CCDC88C: variants seen among roughly 807,000 people sequenced by gnomAD.
The protein encoded by CCDC88C is coiled-coil and HOOK domain protein 88C.
In CCDC88C, 131 loss-of-function variants were observed where a neutral mutation model predicts 198.8. That is an observed-to-expected ratio of 0.66 (90% CI 0.57 to 0.76). The LOEUF is 0.76. Ranked by LOEUF, CCDC88C falls within the 30% of genes least tolerant of loss-of-function variation. The probability of loss-of-function intolerance (pLI) is 0.00; values close to 1 mark genes in which losing one functional copy is unlikely to be tolerated. For missense variants in CCDC88C, 2,553 were observed against 2,631.6 expected (o/e 0.97, Z 0.65); for synonymous variants, 1,166 against 1,114.7 (o/e 1.05, Z -0.92).
At chr14:91,274,073 G>A (rs920774064) in intron 29 of CCDC88C, among the ~76,000 whole-genome samples, 9 of 152,078 alleles carry the variant, frequency 5.9e-5, no homozygotes, top group African/African-American at 2.2e-4. Flanking sequence ...GTCACCCCGG[G>A]ACATCATAAG....
At chr14:91,333,752 A>G (rs890460461) in intron 10 of CCDC88C, among the ~76,000 whole-genome samples, 2 of 152,284 alleles carry the variant, frequency 1.3e-5, no homozygotes, top group East Asian at 3.9e-4. Context: ...CTTACTCCCT[A>G]GGGTCTAGGG....
chr14:91,404,251 C>T (rs116063107), intron 3 of CCDC88C, among the ~76,000 whole-genome samples: 1 of 152,210 alleles, frequency 6.6e-6, no homozygotes, highest in African/African-American at 2.4e-5. Flanking sequence ...CTCAACACCC[C>T]CTGCTCCCTC....
At chr14:91,408,607 G>T (rs941919) in intron 3 of CCDC88C, 52 bp downstream of exon 3, 1 of 1,150,666 alleles carries the variant, frequency 8.7e-7, no homozygotes, top group Non-Finnish European at 1.3e-6. Flanking sequence ...CCGTGACAGT[G>T]ACGATACTGA....
intron 15 of CCDC88C, among the ~76,000 whole-genome samples, 198 bp downstream of exon 15, chr14:91,312,882 A>C (rs1891899129): frequency 6.6e-6 from 1 of 152,236 alleles, no homozygotes; most frequent in Non-Finnish European, 1.5e-5. Flanking sequence ...TCAAACTATG[A>C]GAAGCGTTAT....
intron 28 of CCDC88C, 64 bp from the exon 29 acceptor site, chr14:91,278,275 G>A: frequency 6.8e-7 from 1 of 1,471,350 alleles, no homozygotes; most frequent in Non-Finnish European, 9.1e-7. Flanking sequence ...GTGGCTTCTA[G>A]AGGCTTCGTG....
intron 13 of CCDC88C, among the ~76,000 whole-genome samples, chr14:91,318,602 C>T (rs1184951695): frequency 2.0e-5 from 3 of 152,144 alleles, no homozygotes; most frequent in African/African-American, 7.2e-5. Context: ...CTCAAGGGAC[C>T]AGTTCCCAGG....
At chr14:91,344,342 T>C (rs891575166) in intron 4 of CCDC88C, among the ~76,000 whole-genome samples, 3 of 152,224 alleles carry the variant, frequency 2.0e-5, no homozygotes, top group East Asian at 1.9e-4. Flanking sequence ...CTTTTTATTA[T>C]GCAAAATTCC....
At chr14:91,303,337 G>A (rs1740897334) in intron 20 of CCDC88C, among the ~76,000 whole-genome samples, 2 of 150,310 alleles carry the variant, frequency 1.3e-5, no homozygotes, top group Non-Finnish European at 3.0e-5. Context: ...TCTCCTCCAG[G>A]CTCCACCCTT....
chr14:91,277,669 G>A (rs746378289), intron 29 of CCDC88C, among the ~76,000 whole-genome samples: 10 of 152,198 alleles, frequency 6.6e-5, no homozygotes, highest in East Asian at 3.9e-4. Flanking sequence ...TGCTGGCCAC[G>A]CACCCTTGGT....
intron 22 of CCDC88C, 56 bp from the exon 23 acceptor site, chr14:91,294,374 T>C: frequency 6.3e-7 from 1 of 1,591,428 alleles, no homozygotes; most frequent in Non-Finnish European, 8.6e-7. Flanking sequence ...TTCCCACTGC[T>C]GGGAACCTAG....
At chr14:91,291,431 C>A (rs564275710) in intron 23 of CCDC88C, among the ~76,000 whole-genome samples, 1 of 152,186 alleles carries the variant, frequency 6.6e-6, no homozygotes, top group Non-Finnish European at 1.5e-5. Flanking sequence ...TGGGGTCAGG[C>A]AGAACCTACC....
At position 91,273,436 on chromosome 14, in the gene CCDC88C, T is replaced by C; in HGVS notation, c.5276A>G (p.Glu1759Gly). The change falls in exon 30 of 30, where the codon GAG becomes GGG. Residue 1759 changes from glutamate (E) to glycine (G), a missense_variant. Around this residue, in one of 2 missense-constraint regions of CCDC88C, gnomAD observed 1,293 missense variants for 1,219.6 expected, o/e 1.06. Transcript: ENST00000389857. The surrounding 1 kb of genome is among the most constrained non-coding windows in gnomAD (Gnocchi z 5.6). ...QYVKPNFRLT[E>G]AEAPPSVAPR... ...GGCCACGCTGGGTGGGGCCTCGGCCTCAGTCAGTCTGAAGTTTGGCTTTAC... is the reference window on the plus strand; with the variant it reads ...GGCCACGCTGGGTGGGGCCTCGGCCCCAGTCAGTCTGAAGTTTGGCTTTAC... The C allele has an allele frequency of 1.3e-6, 2 of 1,583,322 alleles. No homozygotes were observed. Among genetic ancestry groups the C allele is most frequent in the South Asian group, 1.1e-5 (1 of 87,596 alleles).
chr14:91,279,329 A>G, intron 27 of CCDC88C, 23 bp from the exon 28 acceptor site: 6 of 1,575,638 alleles, frequency 3.8e-6, no homozygotes, highest in Non-Finnish European at 5.2e-6. Context: ...GGCAGTGTTA[A>G]AATTAAAAAG....
intron 2 of CCDC88C, among the ~76,000 whole-genome samples, chr14:91,413,917 T>G (rs906119208): frequency 6.6e-6 from 1 of 152,180 alleles, no homozygotes; most frequent in Non-Finnish European, 1.5e-5. Flanking sequence ...AATAGCACAG[T>G]CTAGGAGCTA....
At position 91,371,751 on chromosome 14, in the gene CCDC88C, C is replaced by T. The variant is rs1290419633; in HGVS notation, c.271-12040G>A. On this transcript the variant is annotated intron_variant, in intron 3 of 29. Coordinates refer to ENST00000389857, the MANE Select transcript of CCDC88C (RefSeq NM_001080414.4). This position sits in a 1 kb window ranked among gnomAD's most constrained non-coding sequence, Gnocchi z 4.2. ...CACAGTGTCCCATGTCCCACTCCAC[C>T]GCTCACCCACCCAGGCCCACAGGCA... is the stretch of plus-strand genomic sequence containing the variant. 3.9e-5 allele frequency among the ~76,000 whole-genome samples: 6 copies of T among 152,186 alleles called. No homozygotes were observed. The highest frequency in any genetic ancestry group is 2.6e-4 in the Admixed American group (4 of 15,288).
At chr14:91,351,175 C>T (rs1455687737) in intron 4 of CCDC88C, among the ~76,000 whole-genome samples, 2 of 152,198 alleles carry the variant, frequency 1.3e-5, no homozygotes, top group South Asian at 2.1e-4. Context: ...CGTATGTGTG[C>T]TTACTTATTC....
intron 3 of CCDC88C, among the ~76,000 whole-genome samples, chr14:91,368,040 G>A (rs145770347): frequency 2.6e-5 from 4 of 152,230 alleles, no homozygotes; most frequent in East Asian, 3.9e-4. Flanking sequence ...TCCCCACTCC[G>A]AAGTGGCAAA....
chr14:91,393,911 C>T (rs1346022653), intron 3 of CCDC88C, among the ~76,000 whole-genome samples: 1 of 152,218 alleles, frequency 6.6e-6, no homozygotes, highest in Non-Finnish European at 1.5e-5. Context: ...GCCACAAATT[C>T]TCACCCTAAA....
chr14:91,389,039 T>C (rs1885318297), intron 3 of CCDC88C, among the ~76,000 whole-genome samples: 1 of 152,136 alleles, frequency 6.6e-6, no homozygotes, highest in Admixed American at 6.5e-5. Flanking sequence ...TGTCAGAATA[T>C]TAGTCTGCAC....
Sources: gnomAD v4.1 joint callset for allele counts (sites outside exome capture counted in the v4.1 genomes callset) on GRCh38, gnomAD v4.1.1 for gene constraint, gnomAD v4.1.1 regional missense constraint, Gnocchi (gnomAD v3.1) non-coding constraint, MANE v1.5 for transcripts, NCBI Gene and HGNC (gene_info 2026-07-23, HGNC 2026-07-21) for gene names.